The following CCDC110 variants were observed in gnomAD, a reference collection of about 807,000 sequenced individuals.
CCDC110 encodes coiled-coil domain-containing protein 110.
CCDC110 carries 70 observed loss-of-function variants against 77.1 expected under a neutral mutation model. The ratio of observed to expected loss-of-function variants is 0.91; its 90% CI spans 0.75 to 1.11. CCDC110 has a LOEUF of 1.11. CCDC110 is among the 50% of genes least tolerant of loss of function. CCDC110 has a pLI of 0.00. For missense variants in CCDC110, 868 were observed against 942.9 expected, an observed-to-expected ratio of 0.92 and a Z score of 1.04; for synonymous variants, 295 against 312.5, an observed-to-expected ratio of 0.94 and a Z score of 0.59.
chr4:185,457,798 A>G (rs2095638195), intron 6 of CCDC110: 2 of 1,449,406 alleles, frequency 1.4e-6, no homozygotes, highest in African/African-American at 2.9e-5. Context: ...AGCAAATGAT[A>G]CAGTTTACTT....
chr4:185,450,761 C>G (rs538489891), intron 6 of CCDC110, among the ~76,000 whole-genome samples: 4 of 123,448 alleles, frequency 3.2e-5, no homozygotes, highest in African/African-American at 1.1e-4. Context: ...AAAAAAAAAT[C>G]TGCTCTTAAA....
intron 6 of CCDC110, among the ~76,000 whole-genome samples, chr4:185,453,133 C>T (rs900573488): frequency 1.3e-5 from 2 of 152,060 alleles, no homozygotes; most frequent in Admixed American, 6.5e-5. Context: ...TTTGGGAAGC[C>T]AAGGCAGGAG....
intron 6 of CCDC110, chr4:185,457,069 C>T (rs1275947816): frequency 6.0e-6 from 2 of 334,708 alleles, no homozygotes; most frequent in African/African-American, 4.3e-5. Flanking sequence ...ACAACATCAC[C>T]CAGTGGAGTT....
chr4:185,445,554 G>T lies in CCDC110; in HGVS notation c.2462-12C>A. 2.7e-6 allele frequency: 4 copies of T among 1,490,226 alleles called. No individual in the cohort carries two copies. Among genetic ancestry groups the T allele is most frequent in the Non-Finnish European group, 3.7e-6 (4 of 1,077,188 alleles). 92.3% of individuals were successfully genotyped at this position (1,490,226 alleles called of 1,614,324 possible). A position where few individuals can be genotyped will look rare whatever the true frequency, so the allele number is the denominator to read the frequency against. Reference sequence around the variant, plus strand: ...AACTTTGAAATAACCTATGAAAATAGAAAATATTCTGGTTAATTAAAAATG... The same window carrying T: ...AACTTTGAAATAACCTATGAAAATATAAAATATTCTGGTTAATTAAAAATG... On this transcript the variant is annotated splice_polypyrimidine_tract_variant and intron_variant, in intron 6 of 6. Coordinates refer to ENST00000307588, the MANE Select transcript of CCDC110 (RefSeq NM_152775.4).
At chr4:185,455,603 G>T (rs1395011926) in intron 6 of CCDC110, among the ~76,000 whole-genome samples, 1 of 152,154 alleles carries the variant, frequency 6.6e-6, no homozygotes, top group Non-Finnish European at 1.5e-5. Flanking sequence ...AAGAGCTTTG[G>T]CCAGGCGCGG....
At position 185,470,993 on chromosome 4, in the gene CCDC110, T is replaced by A; in HGVS notation, c.67A>T (p.Ile23Phe). 6.2e-7 allele frequency: 1 copy of A among 1,608,500 alleles called. No homozygotes were observed. Among genetic ancestry groups the A allele is most frequent in the Non-Finnish European group, 8.5e-7 (1 of 1,178,850 alleles). The change falls in exon 2 of 7, where the codon ATC becomes TTC. Residue 23 changes from isoleucine (I) to phenylalanine (F), a missense_variant. Physicochemically the swap from Ile to Phe is conservative, Grantham distance 21. Coordinates refer to ENST00000307588, the MANE Select transcript of CCDC110 (RefSeq NM_152775.4). ...TTCACCCCCTCCGAAGAATTTAGGATCTTGGACGCTGAAAGGAGAACGGAG... is the reference window on the plus strand; with the variant it reads ...TTCACCCCCTCCGAAGAATTTAGGAACTTGGACGCTGAAAGGAGAACGGAG... ...VDSVLLSASK[I>F]LNSSEGVKES...
intron 2 of CCDC110, among the ~76,000 whole-genome samples, chr4:185,469,116 A>C (rs2095661267): frequency 6.6e-6 from 1 of 152,248 alleles, no homozygotes; most frequent in South Asian, 2.1e-4. Flanking sequence ...ACACCTTGGG[A>C]ACATTCTATA....
chr4:185,457,968 T>A lies in CCDC110; in HGVS notation c.2461+158A>T, dbSNP rs928956940. Reference sequence around the variant, plus strand: ...TAATATATATTTTATCTAGAAAAAATTCCTAAATAATTTCACTGTATAATA... The same window carrying A: ...TAATATATATTTTATCTAGAAAAAAATCCTAAATAATTTCACTGTATAATA... On this transcript the variant is annotated intron_variant, in intron 6 of 6. Coordinates refer to ENST00000307588, the MANE Select transcript of CCDC110 (RefSeq NM_152775.4). 13 of 631,530 alleles carry A rather than the reference T, an allele frequency of 2.1e-5. No homozygotes were observed. The Admixed American group carries it at 4.2e-4, about 21-fold the overall frequency. The allele number at this position is 631,530 out of a possible 1,614,324, so 39.1% of individuals were successfully genotyped here.
intron 6 of CCDC110, chr4:185,457,821 G>GA (rs751055245): frequency 0.012 from 14,248 of 1,197,892 alleles, no homozygotes; most frequent in South Asian, 0.019. Context: ...AATTCCTAGG[G>GA]AAAAAAAAAA....
rs1375812537 is a variant in CCDC110, at chr4:185,445,536, A to G, written c.2468T>C (p.Phe823Ser). The change falls in exon 7 of 7, where the codon TTC becomes TCC. Residue 823 changes from phenylalanine (F) to serine (S), a missense_variant. By Grantham distance (155) the Phe-to-Ser change is radical. Transcript: ENST00000307588. Reference protein sequence around the residue: ...RPLASDLKGYFKVKDRTLKHH With the variant: ...RPLASDLKGYSKVKDRTLKHH ...CTTGAGAGTTCTGTCTTTAACTTTGAAATAACCTATGAAAATAGAAAATAT... is the reference window on the plus strand; with the variant it reads ...CTTGAGAGTTCTGTCTTTAACTTTGGAATAACCTATGAAAATAGAAAATAT... 6.4e-7 allele frequency: 1 copy of G among 1,558,762 alleles called. No homozygotes were observed. The highest frequency in any genetic ancestry group is 1.1e-5 in the South Asian group (1 of 87,320).
chr4:185,465,101 G>A (rs1944051278), intron 2 of CCDC110, among the ~76,000 whole-genome samples: 1 of 152,134 alleles, frequency 6.6e-6, no homozygotes, highest in African/African-American at 2.4e-5. Flanking sequence ...ATTCTGTTCT[G>A]TAACTGTAAT....
chr4:185,461,155 T>A lies in CCDC110; in HGVS notation c.242A>T (p.Gln81Leu). 1 of 1,507,750 alleles carries A rather than the reference T, an allele frequency of 6.6e-7. No homozygotes were observed. Among genetic ancestry groups the A allele is most frequent in the South Asian group, 1.2e-5 (1 of 83,934 alleles). The allele number at this position is 1,507,750 out of a possible 1,614,324, so 93.4% of individuals were successfully genotyped here. ...GTTCAATATTTCACTGATTTCCGAC[T>A]GTACCTTTAAAAGATAAATTGAGAA... ...MQTLQNVSMV[Q>L]SEISEILNKS... Residue 81 changes from glutamine to leucine, a missense_variant, in exon 5 of 7, where the codon CAG becomes CTG. Gln to Leu is a moderately radical substitution (Grantham distance 113). Coordinates refer to ENST00000307588, the MANE Select transcript of CCDC110 (RefSeq NM_152775.4).
chr4:185,445,634 T>C (rs2153312638), intron 6 of CCDC110, 92 bp from the exon 7 acceptor site: 1 of 798,130 alleles, frequency 1.3e-6, no homozygotes, highest in Non-Finnish European at 2.0e-6. Context: ...ATCTTAAAAC[T>C]TCAATTTTAT....
chr4:185,459,582 A>G lies in CCDC110; in HGVS notation c.1005T>C (p.His335=). ...FRETVSKFHV[H]FCRKCKKLSK... is the part of the protein sequence containing the mutation. ...ATAACTTTTTACATTTTCTACAAAA[A>G]TGCACATGGAATTTTGACACAGTTT... The change falls in exon 6 of 7, where the codon CAT becomes CAC. Residue 335 remains histidine (H), a synonymous_variant. Coordinates refer to ENST00000307588, the MANE Select transcript of CCDC110 (RefSeq NM_152775.4). 4 of 1,613,348 alleles carry G rather than the reference A, an allele frequency of 2.5e-6. No homozygotes were observed. Among genetic ancestry groups the G allele is most frequent in the Non-Finnish European group, 3.4e-6 (4 of 1,179,750 alleles).
intron 3 of CCDC110, 23 bp from the exon 4 acceptor site, chr4:185,462,731 A>T: frequency 6.3e-7 from 1 of 1,597,728 alleles, no homozygotes; most frequent in South Asian, 1.1e-5. Context: ...TAAAGTATGA[A>T]ATTGAGTATT....
At chr4:185,449,285 C>T (rs1235085288) in intron 6 of CCDC110, among the ~76,000 whole-genome samples, 1 of 152,036 alleles carries the variant, frequency 6.6e-6, no homozygotes, top group Non-Finnish European at 1.5e-5. Context: ...CTTTGGAAAG[C>T]CAAGGTAGGC....
chr4:185,460,258 A>G lies in CCDC110; in HGVS notation c.349-20T>C, dbSNP rs2095643706. ...TGTAGGCTGTAACAATAAGAAGTACACTATAAATGTATTGTCATTTGCCAC... is the reference window on the plus strand; with the variant it reads ...TGTAGGCTGTAACAATAAGAAGTACGCTATAAATGTATTGTCATTTGCCAC... On this transcript the variant is annotated intron_variant, in intron 5 of 6. Transcript: ENST00000307588. The G allele has an allele frequency of 6.5e-7, 1 of 1,535,734 alleles. No homozygotes were observed. Among genetic ancestry groups the G allele is most frequent in the East Asian group, 2.2e-5 (1 of 44,470 alleles).
chr4:185,462,548 G>A, intron 4 of CCDC110, 95 bp downstream of exon 4: 1 of 914,892 alleles, frequency 1.1e-6, no homozygotes, highest in South Asian at 1.4e-5. Context: ...ATTAAATTCT[G>A]TGTCAGCTAA....
chr4:185,445,647 A>G (rs1317161834), intron 6 of CCDC110, 105 bp from the exon 7 acceptor site: 5 of 713,416 alleles, frequency 7.0e-6, no homozygotes, highest in South Asian at 2.0e-5. Context: ...AATTTTATCC[A>G]GGTTTTGCAT....
Sources: allele counts gnomAD v4.1 joint callset (sites outside exome capture counted in the v4.1 genomes callset), GRCh38; gene constraint gnomAD v4.1.1; transcripts MANE v1.5; gene names NCBI Gene and HGNC (gene_info 2026-07-23, HGNC 2026-07-21).